The following FBRS variants were observed in gnomAD, a reference collection of about 807,000 sequenced individuals.
The protein encoded by FBRS is fibrosin.
Under a neutral mutation model 86.1 loss-of-function variants are expected in FBRS, and 15 were observed. That is an observed-to-expected ratio of 0.17 (90% CI 0.12 to 0.27). The LOEUF is 0.27. Ranked by LOEUF, FBRS falls within the 10% of genes least tolerant of loss-of-function variation. FBRS has a pLI of 1.00. For synonymous variants in FBRS, 666 were observed against 575.8 expected (o/e 1.16, Z -2.24); for missense variants, 1,367 against 1,301.6 (o/e 1.05, Z -0.77).
At chr16:30,666,667 G>A in intron 12 of FBRS, 126 bp downstream of exon 12, 2 of 1,484,236 alleles carry the variant, frequency 1.3e-6, no homozygotes, top group Non-Finnish European at 1.9e-6. Flanking sequence ...ATGTGGAACA[G>A]CAGAGAGTGA....
chr16:30,667,483 C>A, intron 14 of FBRS, 46 bp downstream of exon 14: 2 of 1,514,234 alleles, frequency 1.3e-6, no homozygotes, highest in South Asian at 1.2e-5. Flanking sequence ...CTGTCTATAG[C>A]CTGAGGCCCA....
rs2151270579 is a variant in FBRS, at chr16:30,665,466, A to G, written c.1704+65A>G. The G allele has an allele frequency of 6.7e-7, 1 of 1,482,514 alleles. No homozygotes were observed. The highest frequency in any genetic ancestry group is 1.2e-5 in the South Asian group (1 of 82,766). The allele number at this position is 1,482,514 out of a possible 1,614,324, so 91.8% of individuals were successfully genotyped here. On this transcript the variant is annotated intron_variant, in intron 10 of 17. Transcript: ENST00000356166. This position sits in a 1 kb window ranked among gnomAD's most constrained non-coding sequence, Gnocchi z 4.1. ...TGACAAACCCAGACACGCCGGGTCC[A>G]AGCACCCTTCTCCCATTCCCCAAAG...
intron 15 of FBRS, chr16:30,667,919 G>A: frequency 5.5e-6 from 2 of 365,094 alleles, no homozygotes; most frequent in Non-Finnish European, 9.8e-6. Flanking sequence ...CCAGGGGAGA[G>A]CATGGCCACT....
At chr16:30,662,259 C>G (rs1184459546) in intron 4 of FBRS, 161 bp from the exon 5 acceptor site, 1 of 1,111,296 alleles carries the variant, frequency 9.0e-7, no homozygotes, top group Admixed American at 2.7e-5. Context: ...TCTCCAAGCT[C>G]AGCCCCCTAG....
chr16:30,659,558 G>A lies in FBRS; in HGVS notation c.40G>A (p.Ala14Thr), dbSNP rs558465134. ...GGCCGCGGCCCCGGGTCCGGGCTGGGCAGCAGAGGGGGAGCGCCGACGGCG... is the reference window on the plus strand; with the variant it reads ...GGCCGCGGCCCCGGGTCCGGGCTGGACAGCAGAGGGGGAGCGCCGACGGCG... Reference protein sequence around the residue: ...AAAAAPGPGWAAEGERRRRRC... With the variant: ...AAAAAPGPGWTAEGERRRRRC... The change falls in exon 1 of 18, where the codon GCA becomes ACA. Residue 14 changes from alanine to threonine, a missense_variant. Ala to Thr is a moderately conservative substitution (Grantham distance 58). This residue lies in a region of FBRS where 702 missense variants were observed against 598.7 expected (regional missense o/e 1.17). Transcript: ENST00000356166. 8.6e-4 allele frequency: 282 copies of A among 329,480 alleles called. No homozygotes were observed. Among genetic ancestry groups the A allele is most frequent in the African/African-American group, 4.9e-3 (227 of 45,942 alleles). The allele number at this position is 329,480 out of a possible 1,614,324, so 20.4% of individuals were successfully genotyped here. A position where few individuals can be genotyped will look rare whatever the true frequency, so the allele number is the denominator to read the frequency against.
chr16:30,666,407 A>G, intron 11 of FBRS, 105 bp from the exon 12 acceptor site: 1 of 1,412,614 alleles, frequency 7.1e-7, no homozygotes, highest in Non-Finnish European at 1.0e-6. Context: ...AGGGAGTCCC[A>G]GTGTCTCAGG....
At position 30,659,859 on chromosome 16, in the gene FBRS, A is replaced by G; in HGVS notation, c.341A>G (p.Glu114Gly). The part of the protein sequence containing the change: ...SRGEEEEEEE[E>G]EGGADDGEAE... ...GGGGAGGAAGAGGAGGAGGAGGAGG[A>G]GGAGGGGGGCGCAGACGACGGCGAA... The change falls in exon 1 of 18, where the codon GAG becomes GGG. Residue 114 changes from glutamate to glycine, a missense_variant. Transcript: ENST00000356166. 1 of 1,538,888 alleles carries G rather than the reference A, an allele frequency of 6.5e-7. No individual in the cohort carries two copies. The highest frequency in any genetic ancestry group is 2.5e-5 in the East Asian group (1 of 40,636).
In FBRS at chr16:30,659,544, C is replaced by A; in HGVS notation, c.26C>A (p.Pro9Gln). METAAAAA[P>Q]GPGWAAEGER... ...ATGGAGACGGCAGCGGCCGCGGCCCCGGGTCCGGGCTGGGCAGCAGAGGGG... is the reference window on the plus strand; with the variant it reads ...ATGGAGACGGCAGCGGCCGCGGCCCAGGGTCCGGGCTGGGCAGCAGAGGGG... Residue 9 changes from proline (P) to glutamine (Q), a missense_variant, in exon 1 of 18, where the codon CCG becomes CAG. Pro to Gln is a moderately conservative substitution (Grantham distance 76). Around this residue, in one of 3 missense-constraint regions of FBRS, gnomAD observed 702 missense variants for 598.7 expected, o/e 1.17. Transcript: ENST00000356166. 1 of 310,846 alleles carries A rather than the reference C, an allele frequency of 3.2e-6. No individual in the cohort carries two copies. The highest frequency in any genetic ancestry group is 5.9e-6 in the Non-Finnish European group (1 of 170,628). The allele number at this position is 310,846 out of a possible 1,614,324, so 19.3% of individuals were successfully genotyped here.
Position 30,668,987 on chromosome 16 carries a change from T to TCCCCCCCCCCCCCCCCCCCCCCCC in FBRS, c.2366+11_2366+12insCCCCCCCCCCCCCCCCCCCCCCCC. On this transcript the variant is annotated intron_variant, in intron 17 of 17. Coordinates refer to ENST00000356166, the MANE Select transcript of FBRS (RefSeq NM_001105079.3). Reference sequence around the variant, plus strand: ...CAAGGAGGAGAAGGACAGGTGTGCCTCCCACCCACCCTGCCCCTGCCCCAC... The same window carrying TCCCCCCCCCCCCCCCCCCCCCCCC: ...CAAGGAGGAGAAGGACAGGTGTGCCTCCCCCCCCCCCCCCCCCCCCCCCCCCCACCCACCCTGCCCCTGCCCCAC... 1.4e-6 allele frequency: 2 copies of TCCCCCCCCCCCCCCCCCCCCCCCC among 1,481,130 alleles called. No individual in the cohort carries two copies. The highest frequency in any genetic ancestry group is 9.2e-7 in the Non-Finnish European group (1 of 1,088,974). 91.7% of individuals were successfully genotyped at this position (1,481,130 alleles called of 1,614,324 possible).
At position 30,667,333 on chromosome 16, in the gene FBRS, A is replaced by G. The variant is rs1021621601; in HGVS notation, c.1889A>G (p.Lys630Arg). 1.7e-5 allele frequency: 27 copies of G among 1,553,006 alleles called. No homozygotes were observed. Among genetic ancestry groups the G allele is most frequent in the Non-Finnish European group, 2.1e-5 (24 of 1,147,846 alleles). The change falls in exon 14 of 18, where the codon AAG becomes AGG. Residue 630 changes from lysine (K) to arginine (R), a missense_variant. Transcript: ENST00000356166. Reference protein sequence around the residue: ...HQEKMKGDSHKLDFRNDLLPC... With the variant: ...HQEKMKGDSHRLDFRNDLLPC... ...TGTCCCACACAGGGTGACTCCCACA[A>G]GCTTGACTTTCGGAATGACCTCCTG...
rs889581641 is a variant in FBRS at position 30,669,952 on chromosome 16, A to G, written c.*307A>G. On this transcript the variant is annotated 3_prime_UTR_variant, in exon 18 of 18. Coordinates refer to ENST00000356166, the MANE Select transcript of FBRS (RefSeq NM_001105079.3). This position sits in a 1 kb window ranked among gnomAD's most constrained non-coding sequence, Gnocchi z 5.9. ...CACCTTTGCCCCTGTAAGGGCCTCT[A>G]GGCCCTGGGCCTGCCTCCCCAAGGG... is the stretch of plus-strand genomic sequence containing the variant. 2 of 538,222 alleles carry G rather than the reference A, an allele frequency of 3.7e-6. No individual in the cohort carries two copies. Among genetic ancestry groups the G allele is most frequent in the East Asian group, 3.5e-5 (1 of 28,776 alleles). 33.3% of individuals were successfully genotyped at this position (538,222 alleles called of 1,614,324 possible).
intron 13 of FBRS, 126 bp from the exon 14 acceptor site, chr16:30,667,194 A>G: frequency 1.1e-6 from 1 of 936,094 alleles, no homozygotes. Flanking sequence ...CGAGAGAGGC[A>G]GAAGATAGGC....
Position 30,659,838 on chromosome 16 carries a change from A to G in FBRS, c.320A>G (p.Glu107Gly), listed in dbSNP as rs933847502. ...KRPAGSGSRGEEEEEEEEEGG... is the reference protein window; with the variant it reads ...KRPAGSGSRGGEEEEEEEEGG... ...CCTGCCGGCTCGGGCAGCCGCGGGG[A>G]GGAAGAGGAGGAGGAGGAGGAGGAG... The change falls in exon 1 of 18, where the codon GAG becomes GGG. Residue 107 changes from glutamate (E) to glycine (G), a missense_variant. Transcript: ENST00000356166. 3.3e-6 allele frequency: 5 copies of G among 1,518,384 alleles called. No homozygotes were observed. In the South Asian group the frequency reaches 3.6e-5, roughly 11 times the overall value. 94.1% of individuals were successfully genotyped at this position (1,518,384 alleles called of 1,614,324 possible).
At chr16:30,666,605 G>T (rs1596618318) in intron 12 of FBRS, 64 bp downstream of exon 12, 2 of 1,610,578 alleles carry the variant, frequency 1.2e-6, no homozygotes, top group Admixed American at 3.3e-5. Flanking sequence ...GTTTGGCTAA[G>T]GGGGGTTTTG....
chr16:30,661,416 C>T (rs949639956), intron 4 of FBRS, 83 bp downstream of exon 4: 16 of 1,548,354 alleles, frequency 1.0e-5, no homozygotes, highest in Admixed American at 7.9e-5. Context: ...GTGCAGCAGA[C>T]AGCCTTCCCT....
In FBRS at chr16:30,665,307, C is replaced by A; in HGVS notation, c.1610C>A (p.Pro537Gln). The change falls in exon 10 of 18, where the codon CCG becomes CAG. Residue 537 changes from proline (P) to glutamine (Q), a missense_variant and splice_region_variant. Around this residue, in one of 3 missense-constraint regions of FBRS, gnomAD observed 659 missense variants for 678.8 expected, o/e 0.97. Coordinates refer to ENST00000356166, the MANE Select transcript of FBRS (RefSeq NM_001105079.3). The surrounding 1 kb of genome is among the most constrained non-coding windows in gnomAD (Gnocchi z 4.1). The stretch of plus-strand genomic sequence containing the variant: ...TACTAGTCCCCCTTCTCTCCACAGC[C>A]GTACACGGCCTTCCCTCCCGCAGTG... ...GKMEGLFRHN[P>Q]YTAFPPAVPG... 6.4e-7 allele frequency: 1 copy of A among 1,560,762 alleles called. No individual in the cohort carries two copies. Among genetic ancestry groups the A allele is most frequent in the Non-Finnish European group, 8.7e-7 (1 of 1,153,044 alleles).
Position 30,670,215 on chromosome 16 carries a change from C to A in FBRS, c.*570C>A. On this transcript the variant is annotated 3_prime_UTR_variant, in exon 18 of 18. Transcript: ENST00000356166. ...GTGCTGTGTTCCTAGCCTCTGGCCT[C>A]TCTGTGGGGAAAGGGGACTGCAGGG... The A allele has an allele frequency of 2.2e-6, 1 of 457,992 alleles. No individual in the cohort carries two copies. 28.4% of individuals were successfully genotyped at this position (457,992 alleles called of 1,614,324 possible).
intron 4 of FBRS, 78 bp from the exon 5 acceptor site, chr16:30,662,342 C>G: frequency 6.5e-7 from 1 of 1,545,900 alleles, no homozygotes; most frequent in Non-Finnish European, 8.7e-7. Flanking sequence ...CTAGCAGCCT[C>G]CAGAGGCTAT....
At chr16:30,663,008 G>A (rs777813315) in intron 6 of FBRS, 149 bp downstream of exon 6, 6 of 1,277,526 alleles carry the variant, frequency 4.7e-6, no homozygotes, top group South Asian at 2.8e-5. Flanking sequence ...ATGACTGCAG[G>A]ACTTATTTGA....
Sources: gnomAD v4.1 joint callset for allele counts on GRCh38, gnomAD v4.1.1 for gene constraint, gnomAD v4.1.1 regional missense constraint, Gnocchi (gnomAD v3.1) non-coding constraint, MANE v1.5 for transcripts, NCBI Gene and HGNC (gene_info 2026-07-23, HGNC 2026-07-21) for gene names.